Variants in CNTN1 observed in about 807,000 individuals in gnomAD.
CNTN1 encodes contactin 1.
CNTN1 carries 38 observed loss-of-function variants against 126.4 expected under a neutral mutation model. The ratio of observed to expected loss-of-function variants is 0.30; its 90% CI spans 0.23 to 0.39. The LOEUF (loss-of-function observed/expected upper bound fraction) is 0.39. Among genes scored for constraint, CNTN1 ranks in the 10% least tolerant of loss-of-function variants. The probability of loss-of-function intolerance (pLI) is 1.00; values close to 1 mark genes in which losing one functional copy is unlikely to be tolerated. For missense variants in CNTN1, 1,009 were observed against 1,248.4 expected (o/e 0.81, Z 2.89); for synonymous variants, 413 against 422.6 (o/e 0.98, Z 0.28).
chr12:40,860,630 G>T (rs1943082824), intron 1 of CNTN1, among the ~76,000 whole-genome samples: 1 of 152,106 alleles, frequency 6.6e-6, no homozygotes, highest in Non-Finnish European at 1.5e-5. Flanking sequence ...TATGATGGAT[G>T]CAACTCAAAA....
chr12:41,046,172 G>T (rs185526117), intron 23 of CNTN1, among the ~76,000 whole-genome samples: 12 of 152,154 alleles, frequency 7.9e-5, no homozygotes. Flanking sequence ...CTTTTCTGAT[G>T]ATCTTGTCCT....
chr12:40,937,197 T>C (rs1946111578), intron 10 of CNTN1, among the ~76,000 whole-genome samples: 1 of 152,050 alleles, frequency 6.6e-6, no homozygotes, highest in Non-Finnish European at 1.5e-5. Context: ...TATTGTCCTC[T>C]TTTTCTTGCC....
intron 1 of CNTN1, among the ~76,000 whole-genome samples, chr12:40,698,515 C>T (rs1039573176): frequency 1.2e-4 from 18 of 152,186 alleles, no homozygotes; most frequent in Admixed American, 7.9e-4. Context: ...AGATTACAGG[C>T]GTGAGCCACC....
intron 1 of CNTN1, among the ~76,000 whole-genome samples, chr12:40,737,105 C>G (rs1385153188): frequency 3.3e-5 from 5 of 151,726 alleles, no homozygotes; most frequent in Middle Eastern, 3.2e-3. Context: ...CCTTCCAAAT[C>G]AGTATAAATC....
chr12:40,822,660 T>C (rs1406214438), intron 1 of CNTN1, among the ~76,000 whole-genome samples: 1 of 152,192 alleles, frequency 6.6e-6, no homozygotes, highest in Non-Finnish European at 1.5e-5. Context: ...TTATTCCTTA[T>C]ATCTATGTAC....
chr12:40,727,423 A>G lies in CNTN1; in HGVS notation c.-77+34831A>G, dbSNP rs186375610. ...TAGAGGATTCGTTTTATAAATGGTA[A>G]GAAAATGTACATCACAGATTAAAAA... On this transcript the variant is annotated intron_variant, in intron 1 of 23. Transcript: ENST00000551295. Among the ~76,000 whole-genome samples the G allele has an allele frequency of 4.7e-4, 71 of 152,176 alleles. 1 individual carries two copies. Among genetic ancestry groups the G allele is most frequent in the African/African-American group, 1.7e-3 (69 of 41,562 alleles).
intron 1 of CNTN1, among the ~76,000 whole-genome samples, chr12:40,891,286 C>G (rs1275629847): frequency 6.6e-6 from 1 of 152,072 alleles, no homozygotes; most frequent in African/African-American, 2.4e-5. Context: ...GATGTTTTCA[C>G]AAATATTTGT....
At chr12:41,011,863 A>G (rs1324498602) in intron 17 of CNTN1, among the ~76,000 whole-genome samples, 1 of 152,198 alleles carries the variant, frequency 6.6e-6, no homozygotes, top group Non-Finnish European at 1.5e-5. Flanking sequence ...ATTAAGTACC[A>G]TTCTAATTGG....
At chr12:41,069,408 T>G (rs1483922440) in intron 23 of CNTN1, among the ~76,000 whole-genome samples, 1 of 152,188 alleles carries the variant, frequency 6.6e-6, no homozygotes, top group African/African-American at 2.4e-5. Flanking sequence ...GGAAAAATTA[T>G]TAGTATTTTT....
chr12:40,781,640 T>A (rs900078479), intron 1 of CNTN1, among the ~76,000 whole-genome samples: 29 of 152,162 alleles, frequency 1.9e-4, no homozygotes, highest in African/African-American at 7.0e-4. Context: ...TCAATTTTTT[T>A]AAACCAATAT....
At chr12:40,999,654 A>AT in intron 17 of CNTN1, among the ~76,000 whole-genome samples, 1 of 151,890 alleles carries the variant, frequency 6.6e-6, no homozygotes, top group Non-Finnish European at 1.5e-5. Flanking sequence ...CAAGTAAGAT[A>AT]TAAAAACACT....
chr12:40,818,232 GT>G, intron 1 of CNTN1, among the ~76,000 whole-genome samples: 1 of 152,130 alleles, frequency 6.6e-6, no homozygotes, highest in Non-Finnish European at 1.5e-5. Flanking sequence ...GGTTGGGGAA[GT>G]TCTCCTGGAT....
At chr12:40,807,321 C>A (rs564835127) in intron 1 of CNTN1, among the ~76,000 whole-genome samples, 2 of 151,924 alleles carry the variant, frequency 1.3e-5, no homozygotes, top group Non-Finnish European at 2.9e-5. Flanking sequence ...TTTTTATACC[C>A]CTCCTCTTTT....
intron 1 of CNTN1, among the ~76,000 whole-genome samples, chr12:40,703,405 C>T (rs370874609): frequency 3.8e-4 from 58 of 152,222 alleles, no homozygotes; most frequent in African/African-American, 1.4e-3. Context: ...AGTATTACAG[C>T]TTTTCAATGG....
chr12:40,925,626 C>CGTGT (rs201095423), intron 6 of CNTN1, among the ~76,000 whole-genome samples: 20 of 104,216 alleles, frequency 1.9e-4, no homozygotes, highest in African/African-American at 7.1e-4. Context: ...TATATATACA[C>CGTGT]ATATATATAT....
chr12:40,919,331 A>G (rs1349859047), intron 4 of CNTN1, among the ~76,000 whole-genome samples: 1 of 152,152 alleles, frequency 6.6e-6, no homozygotes, highest in Non-Finnish European at 1.5e-5. Flanking sequence ...TGGGTTACAT[A>G]TGTATGCTAT....
chr12:40,944,004 G>A lies in CNTN1; in HGVS notation c.1517G>A (p.Arg506Gln), dbSNP rs773587445. 7.4e-6 allele frequency: 12 copies of A among 1,613,110 alleles called. No homozygotes were observed. Among genetic ancestry groups the A allele is most frequent in the African/African-American group, 5.3e-5 (4 of 74,854 alleles). ...ATTTAAAAATATATAGATCCTACGC[G>A]AATTATATTGGCCCCAATTAATGCC... ...TGTLVITDPTRIILAPINADI... is the reference protein window; with the variant it reads ...TGTLVITDPTQIILAPINADI... The change falls in exon 14 of 24, where the codon CGA becomes CAA. Residue 506 changes from arginine (R) to glutamine (Q), a missense_variant. By Grantham distance (43) the Arg-to-Gln change is conservative (BLOSUM62 1). Transcript: ENST00000551295.
intron 1 of CNTN1, among the ~76,000 whole-genome samples, chr12:40,769,968 A>C (rs1939269677): frequency 6.6e-6 from 1 of 152,168 alleles, no homozygotes; most frequent in African/African-American, 2.4e-5. Flanking sequence ...CTAAGGGCCT[A>C]TGAACTCTGT....
At chr12:40,901,956 CAGTT>C (rs1944624068) in intron 1 of CNTN1, among the ~76,000 whole-genome samples, 1 of 152,084 alleles carries the variant, frequency 6.6e-6, no homozygotes, top group Non-Finnish European at 1.5e-5. Context: ...TACCATTAGT[CAGTT>C]AAAGGGGGTT....
Sources: allele counts gnomAD v4.1 joint callset (sites outside exome capture counted in the v4.1 genomes callset), GRCh38; gene constraint gnomAD v4.1.1; transcripts MANE v1.5; gene names NCBI Gene and HGNC (gene_info 2026-07-23, HGNC 2026-07-21).